The following NCOA7 variants were observed in gnomAD, a reference collection of about 807,000 sequenced individuals.
The protein encoded by NCOA7 is nuclear receptor coactivator 7.
In NCOA7, 45 loss-of-function variants were observed where a neutral mutation model predicts 104.3. That is an observed-to-expected ratio of 0.43 (90% CI 0.34 to 0.55). The LOEUF is 0.55. Ranked by LOEUF, NCOA7 falls within the 20% of genes least tolerant of loss-of-function variation. The pLI is 0.02. For missense variants in NCOA7, 1,041 were observed against 1,119.7 expected (o/e 0.93, Z 1.00); for synonymous variants, 398 against 402.3 (o/e 0.99, Z 0.13).
intron 10 of NCOA7, 51 bp downstream of exon 10, chr6:125,890,861 C>T (rs373859208): frequency 4.6e-5 from 63 of 1,380,922 alleles, no homozygotes; most frequent in South Asian, 2.2e-4. Flanking sequence ...GTTTGGATGG[C>T]GTTTTGATAT....
chr6:125,853,879 G>C (rs1781334489), intron 2 of NCOA7, among the ~76,000 whole-genome samples: 2 of 152,190 alleles, frequency 1.3e-5, no homozygotes, highest in Admixed American at 6.5e-5. Flanking sequence ...TCTCTTAAGT[G>C]TTGTAGCCTC....
chr6:125,885,652 G>C (rs1486113969), intron 8 of NCOA7, among the ~76,000 whole-genome samples: 1 of 152,210 alleles, frequency 6.6e-6, no homozygotes, highest in South Asian at 2.1e-4. Context: ...AAGAAAGGCA[G>C]TTCTCTGAAA....
intron 10 of NCOA7, among the ~76,000 whole-genome samples, chr6:125,906,824 T>C (rs1042936014): frequency 1.3e-5 from 2 of 152,114 alleles, no homozygotes; most frequent in African/African-American, 4.8e-5. Flanking sequence ...AATGACCCAC[T>C]AGGAAAACCC....
chr6:125,896,061 A>G (rs1321118377), intron 10 of NCOA7, among the ~76,000 whole-genome samples: 2 of 148,456 alleles, frequency 1.3e-5, no homozygotes, highest in Admixed American at 6.8e-5. Context: ...ACATATACAT[A>G]ATACATATAT....
Position 125,911,031 on chromosome 6 carries a change from G to A in NCOA7, c.2097-4302G>A, listed in dbSNP as rs143610426. Among the ~76,000 whole-genome samples the A allele has an allele frequency of 9.1e-4, 139 of 152,278 alleles. 2 individuals are homozygous for A. The East Asian group carries it at 0.015, about 17-fold the overall frequency. ...AAGGATTGAGAAAAAGACAGTGAGA[G>A]AAAAAGGTGGGACACCAGAGGACCA... On this transcript the variant is annotated intron_variant, in intron 10 of 15. Transcript: ENST00000392477.
chr6:125,916,708 C>T (rs1425379884), intron 11 of NCOA7, among the ~76,000 whole-genome samples: 4 of 152,168 alleles, frequency 2.6e-5, no homozygotes, highest in African/African-American at 9.7e-5. Context: ...ATCTAGCCTG[C>T]GTGCAATCCT....
At chr6:125,836,980 CAA>C (rs1779664083) in intron 2 of NCOA7, among the ~76,000 whole-genome samples, 1 of 152,138 alleles carries the variant, frequency 6.6e-6, no homozygotes, top group African/African-American at 2.4e-5. Flanking sequence ...CCATTTGGGG[CAA>C]AGTGTTCAAG....
chr6:125,885,442 G>A (rs756426931), intron 8 of NCOA7, 99 bp downstream of exon 8: 154 of 1,190,838 alleles, frequency 1.3e-4, no homozygotes, highest in Non-Finnish European at 1.7e-4. Flanking sequence ...ATTGTGTAGA[G>A]GTGATTTTGA....
chr6:125,848,728 A>G (rs1780851086), intron 2 of NCOA7, among the ~76,000 whole-genome samples: 1 of 152,168 alleles, frequency 6.6e-6, no homozygotes, highest in Non-Finnish European at 1.5e-5. Context: ...CAGCAAACCA[A>G]CATGGCACAT....
intron 10 of NCOA7, among the ~76,000 whole-genome samples, chr6:125,901,272 GT>G (rs1314921710): frequency 6.6e-6 from 1 of 152,142 alleles, no homozygotes; most frequent in Non-Finnish European, 1.5e-5. Flanking sequence ...TCAGTTTTAA[GT>G]CAAGTGAGTT....
chr6:125,790,623 G>GC (rs751601751), upstream of NCOA7: 152,090 of 152,094 alleles, frequency 1, 76,043 homozygotes, highest in Middle Eastern at 1. Context: ...AGAGCCCGGC[G>GC]CGAGCTCCCA....
intron 1 of NCOA7, among the ~76,000 whole-genome samples, chr6:125,793,682 A>G (rs1254730737): frequency 1.3e-5 from 2 of 152,136 alleles, no homozygotes; most frequent in Non-Finnish European, 2.9e-5. Flanking sequence ...GCCATTTACT[A>G]TTGTTTTTAA....
rs187512926 is a variant in NCOA7, at chr6:125,824,238, C to A, written c.50+8834C>A. 1.4e-4 allele frequency among the ~76,000 whole-genome samples: 22 copies of A among 152,270 alleles called. 1 individual carries two copies. The East Asian group carries it at 4.0e-3, about 28-fold the overall frequency. On this transcript the variant is annotated intron_variant, in intron 2 of 15. Coordinates refer to ENST00000392477, the MANE Select transcript of NCOA7 (RefSeq NM_181782.5). ...TAATCACAAGCATGTTTCTGTTTAA[C>A]CTGAAATCCCAGACTGATTGGTCAT...
At chr6:125,882,697 G>A in intron 7 of NCOA7, 146 bp downstream of exon 7, 1 of 881,796 alleles carries the variant, frequency 1.1e-6, no homozygotes, top group South Asian at 1.8e-5. Flanking sequence ...GTTTTCTTCT[G>A]TTGGATGCCT....
chr6:125,822,383 G>A (rs1469120639), intron 2 of NCOA7, among the ~76,000 whole-genome samples: 2 of 152,174 alleles, frequency 1.3e-5, no homozygotes, highest in African/African-American at 4.8e-5. Flanking sequence ...AATAGCAGTT[G>A]TTGGAACTTT....
At chr6:125,859,190 A>G (rs2128624337) in intron 3 of NCOA7, among the ~76,000 whole-genome samples, 1 of 152,194 alleles carries the variant, frequency 6.6e-6, no homozygotes, top group South Asian at 2.1e-4. Flanking sequence ...GGGCACACCG[A>G]AGGGGCACAC....
intron 1 of NCOA7, among the ~76,000 whole-genome samples, chr6:125,795,320 C>T (rs780518773): frequency 9.9e-5 from 15 of 152,014 alleles, no homozygotes; most frequent in Non-Finnish European, 1.6e-4. Context: ...ATTCTGATAA[C>T]CTTCATGTCT....
At chr6:125,880,573 G>C (rs972972143) in intron 5 of NCOA7, among the ~76,000 whole-genome samples, 6 of 151,424 alleles carry the variant, frequency 4.0e-5, no homozygotes, top group Non-Finnish European at 7.4e-5. Flanking sequence ...TGTCACCCAG[G>C]CTGGAGTGCA....
intron 10 of NCOA7, among the ~76,000 whole-genome samples, chr6:125,914,155 G>T (rs1786837939): frequency 6.6e-6 from 1 of 152,184 alleles, no homozygotes; most frequent in Admixed American, 6.5e-5. Context: ...ACACTGTATG[G>T]ATAGTTACTG....
Sources: gnomAD v4.1 joint callset for allele counts (sites outside exome capture counted in the v4.1 genomes callset) on GRCh38, gnomAD v4.1.1 for gene constraint, MANE v1.5 for transcripts, NCBI Gene and HGNC (gene_info 2026-07-23, HGNC 2026-07-21) for gene names.